The following KCNMB2 variants were observed in gnomAD, a reference collection of about 807,000 sequenced individuals.
KCNMB2 encodes the protein calcium-activated potassium channel subunit beta-2.
A neutral mutation model predicts 24.5 loss-of-function variants in KCNMB2; 9 were observed. That is an observed-to-expected ratio of 0.37 (90% CI 0.22 to 0.64). The LOEUF is 0.64. Ranked by LOEUF, KCNMB2 falls within the 30% of genes least tolerant of loss-of-function variation. The probability of loss-of-function intolerance (pLI) is 0.63; values close to 1 mark genes in which losing one functional copy is unlikely to be tolerated. For missense variants in KCNMB2, 226 were observed against 284.3 expected, an observed-to-expected ratio of 0.79 and a Z score of 1.47; for synonymous variants, 109 against 104.4, an observed-to-expected ratio of 1.04 and a Z score of -0.27.
At chr3:178,731,678 T>C (rs1193797467) in intron 1 of KCNMB2, among the ~76,000 whole-genome samples, 1 of 152,074 alleles carries the variant, frequency 6.6e-6, no homozygotes, top group Non-Finnish European at 1.5e-5. Flanking sequence ...CCGAGGTGGG[T>C]GGATCTCCTG....
rs192063998 is a variant in KCNMB2, at chr3:178,834,661, C to T, written c.423+6288C>T. Among the ~76,000 whole-genome samples the T allele has an allele frequency of 1.3e-4, 20 of 152,046 alleles. 1 individual carries two copies. The East Asian group carries it at 3.1e-3, about 24-fold the overall frequency. Reference sequence around the variant, plus strand: ...AAAGGGGCTAAAAAAAAAGTGGGGGCGTGGAGGAGGGGAATATGCCCTGAA... The same window carrying T: ...AAAGGGGCTAAAAAAAAAGTGGGGGTGTGGAGGAGGGGAATATGCCCTGAA... On this transcript the variant is annotated intron_variant, in intron 4 of 4. Coordinates refer to ENST00000452583, the MANE Select transcript of KCNMB2 (RefSeq NM_181361.3).
intron 1 of KCNMB2, among the ~76,000 whole-genome samples, chr3:178,709,010 C>A (rs1722367347): frequency 6.6e-6 from 1 of 152,166 alleles, no homozygotes; most frequent in Non-Finnish European, 1.5e-5. Flanking sequence ...TTATAAGAAG[C>A]TTAACTCCTC....
chr3:178,767,054 G>T (rs767214226), intron 1 of KCNMB2, among the ~76,000 whole-genome samples: 12 of 152,206 alleles, frequency 7.9e-5, no homozygotes, highest in Admixed American at 1.3e-4. Context: ...GGCATCCAGT[G>T]AGTAGAGGCC....
intron 1 of KCNMB2, among the ~76,000 whole-genome samples, chr3:178,756,457 T>C (rs764299424): frequency 6.6e-6 from 1 of 152,206 alleles, no homozygotes; most frequent in Admixed American, 6.6e-5. Flanking sequence ...GTTTTATGTG[T>C]GTTTCTGTTT....
intron 3 of KCNMB2, among the ~76,000 whole-genome samples, chr3:178,826,249 C>A (rs1309506866): frequency 2.6e-5 from 4 of 152,130 alleles, no homozygotes; most frequent in African/African-American, 7.2e-5. Flanking sequence ...TTCCAATTTC[C>A]CCAGAAACTC....
intron 1 of KCNMB2, among the ~76,000 whole-genome samples, chr3:178,550,514 A>G (rs1450443052): frequency 6.6e-6 from 1 of 151,172 alleles, no homozygotes; most frequent in Non-Finnish European, 1.5e-5. Context: ...ATAATAAAAG[A>G]GGTCCTTGAG....
chr3:178,727,200 A>C (rs1221217617), intron 1 of KCNMB2, among the ~76,000 whole-genome samples: 4 of 152,124 alleles, frequency 2.6e-5, no homozygotes, highest in Non-Finnish European at 5.9e-5. Context: ...TACTGGCCTC[A>C]ATACATATTG....
At chr3:178,804,103 G>A (rs907992925) in intron 1 of KCNMB2, among the ~76,000 whole-genome samples, 8 of 152,150 alleles carry the variant, frequency 5.3e-5, no homozygotes, top group African/African-American at 1.4e-4. Flanking sequence ...ACTATACAAC[G>A]CAGATCTCTG....
intron 1 of KCNMB2, among the ~76,000 whole-genome samples, chr3:178,628,837 A>C (rs754798922): frequency 3.3e-5 from 5 of 152,204 alleles, no homozygotes; most frequent in Non-Finnish European, 7.4e-5. Context: ...GAATACTTCC[A>C]ACTGTGTATA....
At chr3:178,743,142 C>T (rs1723550567) in intron 1 of KCNMB2, among the ~76,000 whole-genome samples, 1 of 152,088 alleles carries the variant, frequency 6.6e-6, no homozygotes, top group African/African-American at 2.4e-5. Context: ...AAAAGGAGTC[C>T]AGGAGCCCTG....
chr3:178,701,524 AT>A lies in KCNMB2; in HGVS notation c.-67-105817del, dbSNP rs907146548. Among the ~76,000 whole-genome samples the A allele has an allele frequency of 5.0e-4, 76 of 152,082 alleles. 1 individual carries two copies. The highest frequency in any genetic ancestry group is 1.8e-3 in the African/African-American group (75 of 41,420). On this transcript the variant is annotated intron_variant, in intron 1 of 4. Transcript: ENST00000452583. ...TCATTGGTAGCTTGATGGGGATGGC[AT>A]TGGGCTAATATCCAGAATCTACAAA...
intron 1 of KCNMB2, among the ~76,000 whole-genome samples, chr3:178,565,503 C>A (rs1029982465): frequency 2.6e-5 from 4 of 152,196 alleles, no homozygotes; most frequent in African/African-American, 9.7e-5. Flanking sequence ...AAGGCCATGG[C>A]AGCAGCCACA....
chr3:178,570,515 CTTTTTTTTTTT>C (rs200106452), intron 1 of KCNMB2, among the ~76,000 whole-genome samples: 1 of 114,598 alleles, frequency 8.7e-6, no homozygotes. Context: ...GTAATGATAC[CTTTTTTTTTTT>C]TTTTTTTTTT....
At position 178,825,684 on chromosome 3, in the gene KCNMB2, A is replaced by G; in HGVS notation, c.153A>G (p.Gly51=). The G allele has an allele frequency of 6.2e-7, 1 of 1,614,092 alleles. No individual in the cohort carries two copies. The highest frequency in any genetic ancestry group is 1.3e-5 in the African/African-American group (1 of 75,042). The change falls in exon 3 of 5, where the codon GGA becomes GGG. Residue 51 remains glycine (G), a synonymous_variant. Coordinates refer to ENST00000452583, the MANE Select transcript of KCNMB2 (RefSeq NM_181361.3). Reference sequence around the variant, plus strand: ...GAGAGGACCGAGCTATTCTCCTGGGACTGGCTATGATGGTGTGCTCCATCA... The same window carrying G: ...GAGAGGACCGAGCTATTCTCCTGGGGCTGGCTATGATGGTGTGCTCCATCA... The part of the protein sequence containing the change: ...KAGEDRAILL[G]LAMMVCSIMM...
intron 1 of KCNMB2, among the ~76,000 whole-genome samples, chr3:178,599,735 T>G (rs1242979177): frequency 1.3e-5 from 2 of 152,158 alleles, no homozygotes; most frequent in Admixed American, 6.6e-5. Context: ...AAACTGAAAC[T>G]TCATACCCAT....
intron 1 of KCNMB2, among the ~76,000 whole-genome samples, chr3:178,731,234 AC>A (rs1323233017): frequency 6.6e-6 from 1 of 152,200 alleles, no homozygotes; most frequent in Non-Finnish European, 1.5e-5. Context: ...TTTCTATATG[AC>A]TTGTACCTCA....
chr3:178,661,734 C>T (rs1455395582), intron 1 of KCNMB2, among the ~76,000 whole-genome samples: 1 of 152,138 alleles, frequency 6.6e-6, no homozygotes, highest in East Asian at 1.9e-4. Flanking sequence ...AATCTTGGAT[C>T]CCGCCCCAAA....
chr3:178,764,713 TG>T lies in KCNMB2; in HGVS notation c.-67-42628del, dbSNP rs1167164273. On this transcript the variant is annotated intron_variant, in intron 1 of 4. Transcript: ENST00000452583. Reference sequence around the variant, plus strand: ...TGCCCAGTGCAGATCCTGTTAAGACTGGTGTGATTGCAAGAACAATCCACAT... The same window carrying T: ...TGCCCAGTGCAGATCCTGTTAAGACTGTGTGATTGCAAGAACAATCCACAT... Among the ~76,000 whole-genome samples, 10 of 152,334 alleles carry T rather than the reference TG, an allele frequency of 6.6e-5. No individual in the cohort carries two copies. The East Asian group carries it at 1.7e-3, about 26-fold the overall frequency.
At chr3:178,727,639 G>A (rs559578832) in intron 1 of KCNMB2, among the ~76,000 whole-genome samples, 13 of 152,164 alleles carry the variant, frequency 8.5e-5, no homozygotes, top group African/African-American at 3.1e-4. Context: ...CTTTGAAGAT[G>A]GAGGAAGGGA....
Sources: allele counts gnomAD v4.1 joint callset (sites outside exome capture counted in the v4.1 genomes callset), GRCh38; gene constraint gnomAD v4.1.1; transcripts MANE v1.5; gene names NCBI Gene and HGNC (gene_info 2026-07-23, HGNC 2026-07-21).